Variants in SLC4A7 observed in about 807,000 individuals in gnomAD.
SLC4A7 encodes sodium bicarbonate cotransporter 3.
Under a neutral mutation model 137.6 loss-of-function variants are expected in SLC4A7, and 51 were observed. That is an observed-to-expected ratio of 0.37 (90% CI 0.30 to 0.47). The LOEUF is 0.47. Among genes scored for constraint, SLC4A7 ranks in the 20% least tolerant of loss-of-function variants. The probability of loss-of-function intolerance (pLI) is 1.00; values close to 1 mark genes in which losing one functional copy is unlikely to be tolerated. For synonymous variants in SLC4A7, 542 were observed against 518.6 expected (o/e 1.05, Z -0.61); for missense variants, 1,247 against 1,525.4 (o/e 0.82, Z 3.04).
intron 23 of SLC4A7, 146 bp from the exon 24 acceptor site, chr3:27,383,396 A>G (rs1042117136): frequency 1.2e-5 from 8 of 644,574 alleles, no homozygotes; most frequent in Non-Finnish European, 2.2e-5. Flanking sequence ...ATAATCATGA[A>G]CACATACTTG....
chr3:27,380,144 T>TA (rs2050272403), intron 24 of SLC4A7, among the ~76,000 whole-genome samples: 1 of 151,988 alleles, frequency 6.6e-6, no homozygotes, highest in Non-Finnish European at 1.5e-5. Context: ...CCGTCTTTGC[T>TA]AAAAATATAA....
intron 22 of SLC4A7, among the ~76,000 whole-genome samples, chr3:27,387,205 A>G (rs1281720705): frequency 6.6e-6 from 1 of 152,204 alleles, no homozygotes; most frequent in Non-Finnish European, 1.5e-5. Context: ...GCTCAATCCT[A>G]GCCAGGAATC....
At chr3:27,430,999 A>T (rs2056217353) in intron 7 of SLC4A7, among the ~76,000 whole-genome samples, 1 of 152,166 alleles carries the variant, frequency 6.6e-6, no homozygotes, top group Non-Finnish European at 1.5e-5. Context: ...GTCTTTTTGT[A>T]ACTCAAATTT....
At chr3:27,423,949 C>T in intron 8 of SLC4A7, 88 bp downstream of exon 8, 3 of 767,782 alleles carry the variant, frequency 3.9e-6, no homozygotes, top group Non-Finnish European at 6.6e-6. Flanking sequence ...AAATTACTAT[C>T]ATCAATGTTA....
chr3:27,432,815 A>G (rs1235287673), intron 6 of SLC4A7, among the ~76,000 whole-genome samples: 1 of 152,220 alleles, frequency 6.6e-6, no homozygotes, highest in East Asian at 1.9e-4. Context: ...AAGACTGAAT[A>G]GGGTCCCTCT....
At chr3:27,483,747 G>A (rs557241377) in intron 1 of SLC4A7, among the ~76,000 whole-genome samples, 1 of 152,092 alleles carries the variant, frequency 6.6e-6, no homozygotes, top group Non-Finnish European at 1.5e-5. Flanking sequence ...GAGCGCTGAG[G>A]GAAGGGATGG....
rs142045858 is a variant in SLC4A7, at chr3:27,378,272, T to C, written c.3698+977A>G. ...GAAAGAATGAGAAAAAGCTAATCAA[T>C]TATTGTCAGAAGACAGAGCTAAGAC... On this transcript the variant is annotated intron_variant, in intron 25 of 25. Transcript: ENST00000454389. Among the ~76,000 whole-genome samples, 477 of 152,248 alleles carry C rather than the reference T, an allele frequency of 3.1e-3. 3 individuals are homozygous for C. Among genetic ancestry groups the C allele is most frequent in the African/African-American group, 0.011 (460 of 41,554 alleles).
intron 7 of SLC4A7, among the ~76,000 whole-genome samples, chr3:27,427,032 A>G (rs1377683866): frequency 6.6e-6 from 1 of 152,204 alleles, no homozygotes; most frequent in Non-Finnish European, 1.5e-5. Flanking sequence ...TTTTCATTAA[A>G]AATTTGAAAG....
intron 1 of SLC4A7, among the ~76,000 whole-genome samples, chr3:27,479,911 C>A (rs1024802429): frequency 6.6e-6 from 1 of 152,104 alleles, no homozygotes; most frequent in East Asian, 1.9e-4. Flanking sequence ...AGTTGCAGAT[C>A]CTATCCACTT....
chr3:27,413,006 AT>A (rs957202004), intron 11 of SLC4A7, among the ~76,000 whole-genome samples: 89 of 152,304 alleles, frequency 5.8e-4, no homozygotes, highest in African/African-American at 2.1e-3. Flanking sequence ...AATAAAATGC[AT>A]TTTTTAAAAG....
chr3:27,437,228 G>A (rs2056806890), intron 4 of SLC4A7, among the ~76,000 whole-genome samples, 160 bp downstream of exon 4: 1 of 152,052 alleles, frequency 6.6e-6, no homozygotes, highest in South Asian at 2.1e-4. Flanking sequence ...GCGGGCGCCT[G>A]CAATGTCAGC....
At position 27,420,493 on chromosome 3, in the gene SLC4A7, T is replaced by A. The variant is rs867116280; in HGVS notation, c.1512+207A>T. Among the ~76,000 whole-genome samples the A allele has an allele frequency of 6.0e-4, 91 of 151,894 alleles. 2 individuals are homozygous for A. The highest frequency in any genetic ancestry group is 3.2e-3 in the Middle Eastern group (1 of 316). On this transcript the variant is annotated intron_variant, in intron 10 of 25. Coordinates refer to ENST00000454389, the MANE Select transcript of SLC4A7 (RefSeq NM_001321103.2). ...TACAAATGTTTAAAACAAAAAAAAA[T>A]TTTTAAATACCCACTGATCTTGATA...
intron 15 of SLC4A7, among the ~76,000 whole-genome samples, chr3:27,402,258 T>C (rs1487825039): frequency 1.3e-5 from 2 of 152,240 alleles, no homozygotes; most frequent in African/African-American, 4.8e-5. Context: ...TTACACTTAT[T>C]GAATATACTT....
At chr3:27,388,001 A>C (rs1307071246) in intron 22 of SLC4A7, among the ~76,000 whole-genome samples, 1 of 152,100 alleles carries the variant, frequency 6.6e-6, no homozygotes, top group Non-Finnish European at 1.5e-5. Flanking sequence ...TTTATTCTTA[A>C]GTACTTTATG....
chr3:27,380,428 A>G (rs966022207), intron 24 of SLC4A7, among the ~76,000 whole-genome samples: 6 of 152,192 alleles, frequency 3.9e-5, no homozygotes, highest in Non-Finnish European at 8.8e-5. Flanking sequence ...TAATATCCAT[A>G]AATAATTAAT....
At chr3:27,421,055 A>G (rs2054917799) in intron 9 of SLC4A7, among the ~76,000 whole-genome samples, 1 of 151,686 alleles carries the variant, frequency 6.6e-6, no homozygotes, top group African/African-American at 2.4e-5. Flanking sequence ...TTGGCCTCCC[A>G]AAGTGCTGGA....
In SLC4A7 at chr3:27,395,091, T is replaced by C. The variant is rs1483540120; in HGVS notation, c.2728A>G (p.Ile910Val). The C allele has an allele frequency of 6.3e-7, 1 of 1,596,500 alleles. No homozygotes were observed. Among genetic ancestry groups the C allele is most frequent in the East Asian group, 2.2e-5 (1 of 44,812 alleles). ...GGATTATCTCCCAGTGGGCTTATGATCCACCCTCTCTCTGGATGAGTAGGC... is the reference window on the plus strand; with the variant it reads ...GGATTATCTCCCAGTGGGCTTATGACCCACCCTCTCTCTGGATGAGTAGGC... ...FEPTHPERGWIISPLGDNPWW... is the reference protein window; with the variant it reads ...FEPTHPERGWVISPLGDNPWW... The change falls in exon 19 of 26, where the codon ATC (isoleucine) becomes GTC (valine). Residue 910 changes from isoleucine (I) to valine (V), a missense_variant. Coordinates refer to ENST00000454389, the MANE Select transcript of SLC4A7 (RefSeq NM_001321103.2).
intron 1 of SLC4A7, chr3:27,456,878 A>C (rs1250556353): frequency 2.2e-6 from 3 of 1,378,626 alleles, no homozygotes; most frequent in Non-Finnish European, 1.9e-6. Context: ...CAACTTACAC[A>C]GGGTCACAGC....
intron 7 of SLC4A7, among the ~76,000 whole-genome samples, chr3:27,427,261 T>G (rs191938316): frequency 1.3e-5 from 2 of 151,912 alleles, no homozygotes; most frequent in African/African-American, 4.8e-5. Flanking sequence ...AGTGCCAAGA[T>G]TGAGAACCAC....
Sources: gnomAD v4.1 joint callset for allele counts (sites outside exome capture counted in the v4.1 genomes callset) on GRCh38, gnomAD v4.1.1 for gene constraint, MANE v1.5 for transcripts, NCBI Gene and HGNC (gene_info 2026-07-23, HGNC 2026-07-21) for gene names.